Variants in VSNL1 observed in about 807,000 individuals in gnomAD.
VSNL1 encodes the protein visinin-like protein 1.
In VSNL1, 6 loss-of-function variants were observed where a neutral mutation model predicts 20.4. The observed-to-expected ratio is 0.29, with a 90% CI of 0.16 to 0.58. The LOEUF (loss-of-function observed/expected upper bound fraction) is 0.58, where lower values mean the gene tolerates loss of function less well. VSNL1 is among the 20% of genes least tolerant of loss of function. The probability of loss-of-function intolerance (pLI) is 0.90; values close to 1 mark genes in which losing one functional copy is unlikely to be tolerated. For missense variants in VSNL1, 100 were observed against 234.5 expected (o/e 0.43, Z 3.75); for synonymous variants, 93 against 86.4 (o/e 1.08, Z -0.42).
intron 2 of VSNL1, among the ~76,000 whole-genome samples, chr2:17,642,309 C>CTTT (rs577471307): frequency 0.031 from 2,856 of 93,174 alleles, 424 homozygotes; most frequent in African/African-American, 0.1. Flanking sequence ...GTGAGCATTC[C>CTTT]TTTTTTTTTT....
chr2:17,603,646 A>C (rs954080405), intron 2 of VSNL1, among the ~76,000 whole-genome samples: 15 of 152,196 alleles, frequency 9.9e-5, no homozygotes, highest in African/African-American at 3.6e-4. Context: ...CACAGAGGGC[A>C]TCAAATGTCA....
intron 1 of VSNL1, among the ~76,000 whole-genome samples, chr2:17,552,043 CA>C (rs34823640): frequency 6.6e-6 from 1 of 150,680 alleles, no homozygotes; most frequent in Non-Finnish European, 1.5e-5. Context: ...CTAAAAAATA[CA>C]AAAAAATTAG....
chr2:17,584,025 C>T (rs957700240), intron 1 of VSNL1, among the ~76,000 whole-genome samples: 12 of 152,162 alleles, frequency 7.9e-5, no homozygotes, highest in Non-Finnish European at 1.8e-4. Context: ...CATTTATCCT[C>T]ACAACAACCC....
At chr2:17,541,545 C>A in intron 1 of VSNL1, 1 of 152,160 alleles carries the variant, frequency 6.6e-6, no homozygotes, top group East Asian at 1.9e-4. Context: ...GGGAAAGATG[C>A]TCTACTGCAC....
intron 1 of VSNL1, among the ~76,000 whole-genome samples, chr2:17,580,399 C>A (rs1664323705): frequency 6.6e-6 from 1 of 152,148 alleles, no homozygotes; most frequent in Non-Finnish European, 1.5e-5. Context: ...GGGACCTCAA[C>A]CTGAAACTGT....
At chr2:17,652,549 C>T (rs1266778906) in intron 3 of VSNL1, among the ~76,000 whole-genome samples, 1 of 152,174 alleles carries the variant, frequency 6.6e-6, no homozygotes, top group Non-Finnish European at 1.5e-5. Flanking sequence ...GAAGTAAAGA[C>T]AGTGACTGCA....
chr2:17,577,536 T>C (rs186093439), intron 1 of VSNL1, among the ~76,000 whole-genome samples: 35 of 152,350 alleles, frequency 2.3e-4, no homozygotes, highest in African/African-American at 8.2e-4. Flanking sequence ...TCTATTTTTG[T>C]GCCCATAAAT....
At chr2:17,553,239 A>G (rs1036809864) in intron 1 of VSNL1, among the ~76,000 whole-genome samples, 5 of 152,212 alleles carry the variant, frequency 3.3e-5, no homozygotes, top group East Asian at 1.9e-4. Flanking sequence ...CAGTTGTGCC[A>G]AAGTAGCTAA....
At chr2:17,583,453 G>A (rs770048868) in intron 1 of VSNL1, among the ~76,000 whole-genome samples, 1 of 152,212 alleles carries the variant, frequency 6.6e-6, no homozygotes, top group Non-Finnish European at 1.5e-5. Flanking sequence ...ACAGAACTAA[G>A]TGAGGTTCTA....
intron 3 of VSNL1, among the ~76,000 whole-genome samples, chr2:17,653,776 G>A (rs933748508): frequency 1.3e-5 from 2 of 152,182 alleles, no homozygotes; most frequent in Non-Finnish European, 2.9e-5. Context: ...CATGTTAAGT[G>A]TACAAATTAA....
intron 2 of VSNL1, among the ~76,000 whole-genome samples, chr2:17,615,436 C>T (rs1320495216): frequency 1.3e-5 from 2 of 152,174 alleles, no homozygotes; most frequent in Non-Finnish European, 2.9e-5. Context: ...ATCAGGGCAG[C>T]TCCCATCACT....
At chr2:17,558,173 A>G (rs1663733213) in intron 1 of VSNL1, among the ~76,000 whole-genome samples, 1 of 152,206 alleles carries the variant, frequency 6.6e-6, no homozygotes, top group Non-Finnish European at 1.5e-5. Context: ...TGAAATGCTT[A>G]TGTCCTGACA....
intron 1 of VSNL1, among the ~76,000 whole-genome samples, chr2:17,564,877 G>A (rs1389470493): frequency 6.6e-6 from 1 of 152,164 alleles, no homozygotes; most frequent in Non-Finnish European, 1.5e-5. Context: ...GTAGTCGTAA[G>A]ATTACGGAAA....
At chr2:17,582,259 A>G (rs1291854793) in intron 1 of VSNL1, among the ~76,000 whole-genome samples, 1 of 152,068 alleles carries the variant, frequency 6.6e-6, no homozygotes, top group African/African-American at 2.4e-5. Flanking sequence ...GGCTGGAGGG[A>G]AAGTGTAGGC....
intron 2 of VSNL1, among the ~76,000 whole-genome samples, chr2:17,638,679 A>C (rs1220144036): frequency 1.3e-5 from 2 of 152,370 alleles, no homozygotes; most frequent in Middle Eastern, 3.4e-3. Flanking sequence ...CTTCATTCTC[A>C]GTAGGATGGG....
intron 2 of VSNL1, among the ~76,000 whole-genome samples, chr2:17,593,568 T>G (rs1664644382): frequency 6.6e-6 from 1 of 152,192 alleles, no homozygotes; most frequent in South Asian, 2.1e-4. Context: ...TATGGCCATG[T>G]GGTTAGATAT....
intron 2 of VSNL1, among the ~76,000 whole-genome samples, chr2:17,631,545 G>A (rs1379841701): frequency 6.6e-6 from 1 of 152,172 alleles, no homozygotes; most frequent in Non-Finnish European, 1.5e-5. Flanking sequence ...TAAGATTTGT[G>A]TATTCCTTCA....
intron 2 of VSNL1, among the ~76,000 whole-genome samples, chr2:17,635,645 T>C (rs541120197): frequency 4.9e-4 from 74 of 152,304 alleles, no homozygotes; most frequent in Admixed American, 2.6e-3. Flanking sequence ...TGTGCCACAG[T>C]TTTCTCATCT....
rs1666216428 is a variant in VSNL1, at chr2:17,655,652, A to G, written c.*258A>G. 1 of 369,102 alleles carries G rather than the reference A, an allele frequency of 2.7e-6. No homozygotes were observed. Among genetic ancestry groups the G allele is most frequent in the African/African-American group, 2.1e-5 (1 of 48,436 alleles). 22.9% of individuals were successfully genotyped at this position (369,102 alleles called of 1,614,324 possible). A position where few individuals can be genotyped will look rare whatever the true frequency, so the allele number is the denominator to read the frequency against. ...TGTGATATGTGTAATATCATTTCAT[A>G]AAAATCCCTCTTCCTCCAAAGCCTG... On this transcript the variant is annotated 3_prime_UTR_variant, in exon 4 of 4. Transcript: ENST00000295156. The surrounding 1 kb of genome is among the most constrained non-coding windows in gnomAD (Gnocchi z 5.2).
Sources: gnomAD v4.1 joint callset for allele counts (sites outside exome capture counted in the v4.1 genomes callset) on GRCh38, gnomAD v4.1.1 for gene constraint, Gnocchi (gnomAD v3.1) non-coding constraint, MANE v1.5 for transcripts, NCBI Gene and HGNC (gene_info 2026-07-23, HGNC 2026-07-21) for gene names.